Variants in SLC35B3 observed in about 807,000 individuals in gnomAD.
SLC35B3 encodes adenosine 3'-phospho 5'-phosphosulfate transporter 2.
Under a neutral mutation model 44.1 loss-of-function variants are expected in SLC35B3, and 35 were observed. The ratio of observed to expected loss-of-function variants is 0.79; its 90% CI spans 0.61 to 1.05. The LOEUF (loss-of-function observed/expected upper bound fraction) is 1.05, where lower values mean the gene tolerates loss of function less well. SLC35B3 is among the 50% of genes least tolerant of loss of function. The pLI, the probability that SLC35B3 is intolerant of heterozygous loss-of-function variation, is 0.00. For synonymous variants in SLC35B3, 146 were observed against 167.3 expected, an observed-to-expected ratio of 0.87 and a Z score of 0.98; for missense variants, 414 against 476.4, an observed-to-expected ratio of 0.87 and a Z score of 1.22.
At chr6:8,424,503 A>AAGT (rs1763234311) in intron 4 of SLC35B3, among the ~76,000 whole-genome samples, 1 of 152,120 alleles carries the variant, frequency 6.6e-6, no homozygotes, top group African/African-American at 2.4e-5. Flanking sequence ...CAGGTGATCA[A>AAGT]CCTGCCTCGG....
Position 8,434,749 on chromosome 6 carries a change from A to G in SLC35B3, c.-43-319T>C, listed in dbSNP as rs1229148538. On this transcript the variant is annotated intron_variant, in intron 1 of 10. Coordinates refer to ENST00000644923, the MANE Select transcript of SLC35B3 (RefSeq NM_001370476.2). The surrounding 1 kb of genome is among the most constrained non-coding windows in gnomAD (Gnocchi z 6.3). ...AAAATGCAGATACTCAACACTTAAG[A>G]TTTTGTTAGCGCACCAAATCATTCC... 1.3e-5 allele frequency among the ~76,000 whole-genome samples: 2 copies of G among 152,208 alleles called. No homozygotes were observed. Among genetic ancestry groups the G allele is most frequent in the East Asian group, 3.9e-4 (2 of 5,184 alleles).
In SLC35B3 at chr6:8,434,138, A is replaced by AAG. The variant is rs1391342703; in HGVS notation, c.3+245_3+246dup. Among the ~76,000 whole-genome samples the AAG allele has an allele frequency of 6.6e-6, 1 of 151,968 alleles. No homozygotes were observed. Among genetic ancestry groups the AAG allele is most frequent in the African/African-American group, 2.4e-5 (1 of 41,372 alleles). The stretch of plus-strand genomic sequence containing the variant: ...ACTTCAACTGCTAAAATGGAATAAA[A>AAG]AGGTAGCATTTCCGGCATACAATGT... On this transcript the variant is annotated intron_variant, in intron 2 of 10. Coordinates refer to ENST00000644923, the MANE Select transcript of SLC35B3 (RefSeq NM_001370476.2). The surrounding 1 kb of genome is among the most constrained non-coding windows in gnomAD (Gnocchi z 6.3).
rs1039832808 is a variant in SLC35B3 at position 8,412,219 on chromosome 6, A to C, written c.*1330T>G. On this transcript the variant is annotated 3_prime_UTR_variant, in exon 11 of 11. Coordinates refer to ENST00000644923, the MANE Select transcript of SLC35B3 (RefSeq NM_001370476.2). ...GCACCTCCATCTTGGACTTCCAGAC[A>C]TCAGAACTGTGGGAAATAAATTTCC... is the stretch of plus-strand genomic sequence containing the variant. 6.6e-6 allele frequency among the ~76,000 whole-genome samples: 1 copy of C among 152,224 alleles called. No homozygotes were observed. Among genetic ancestry groups the C allele is most frequent in the African/African-American group, 2.4e-5 (1 of 41,454 alleles).
At position 8,429,947 on chromosome 6, in the gene SLC35B3, G is replaced by A; in HGVS notation, c.214C>T (p.Leu72Phe). 1 of 1,611,946 alleles carries A rather than the reference G, an allele frequency of 6.2e-7. No individual in the cohort carries two copies. Among genetic ancestry groups the A allele is most frequent in the Non-Finnish European group, 8.5e-7 (1 of 1,179,370 alleles). Residue 72 changes from leucine (L) to phenylalanine (F), a missense_variant, in exon 3 of 11, where the codon CTC becomes TTC. Leu to Phe is a conservative substitution (Grantham distance 22, BLOSUM62 0). Coordinates refer to ENST00000644923, the MANE Select transcript of SLC35B3 (RefSeq NM_001370476.2). ...TGAGTAAGTTTGTTAAACTTGCTGA[G>A]ATTCATGCCAAGTACCACAACGTCG...
intron 3 of SLC35B3, among the ~76,000 whole-genome samples, chr6:8,429,050 C>G (rs1246204149): frequency 4.6e-5 from 7 of 152,068 alleles, no homozygotes; most frequent in Non-Finnish European, 7.4e-5. Context: ...CTTTTTAGTA[C>G]TAAAGAATAC....
Position 8,417,441 on chromosome 6 carries a change from G to T in SLC35B3, c.834C>A (p.Cys278Ter). ...TTACTGCAGGGCCTAATCCACTAGTGCATGTCAATCCCAGTAAAATGTATA... is the reference window on the plus strand; with the variant it reads ...TTACTGCAGGGCCTAATCCACTAGTTCATGTCAATCCCAGTAAAATGTATA... Residue 278 changes from cysteine to a stop codon, truncating the protein, a stop_gained, in exon 8 of 11, where the codon TGC becomes TGA. Coordinates refer to ENST00000644923, the MANE Select transcript of SLC35B3 (RefSeq NM_001370476.2). LOFTEE classifies it high-confidence loss of function. 1 of 1,606,520 alleles carries T rather than the reference G, an allele frequency of 6.2e-7. No homozygotes were observed. The highest frequency in any genetic ancestry group is 1.1e-5 in the South Asian group (1 of 89,774).
Position 8,430,035 on chromosome 6 carries a change from T to C in SLC35B3, c.126A>G (p.Lys42=). The change falls in exon 3 of 11, where the codon AAA becomes AAG. Residue 42 remains lysine, a synonymous_variant. Transcript: ENST00000644923. ...TGGATGGCACAGTGATAGAAATATA[T>C]TTCCTGGAATTGTTGAACTTGAGAT... 6.2e-7 allele frequency: 1 copy of C among 1,614,068 alleles called. No homozygotes were observed. Among genetic ancestry groups the C allele is most frequent in the Non-Finnish European group, 8.5e-7 (1 of 1,179,978 alleles).
chr6:8,422,369 C>T (rs1762974437), intron 5 of SLC35B3, 101 bp downstream of exon 4: 2 of 896,402 alleles, frequency 2.2e-6, no homozygotes, highest in Non-Finnish European at 3.5e-6. Flanking sequence ...ATCTAGAATG[C>T]TCATTGAAAA....
chr6:8,427,971 T>G lies in SLC35B3; in HGVS notation c.385A>C (p.Ile129Leu). 6.2e-7 allele frequency: 1 copy of G among 1,612,840 alleles called. No homozygotes were observed. ...TTGTCCTGAATAAGCTGAAGTTCTA[T>G]TAGGCCAAATATGGAGTAAAAGGCA... Residue 129 changes from isoleucine (I) to leucine (L), a missense_variant, in exon 4 of 11, where the codon ATA (isoleucine) becomes CTA (leucine). Transcript: ENST00000644923.
At chr6:8,417,251 T>C in intron 8 of SLC35B3, 151 bp downstream of exon 7, 1 of 629,734 alleles carries the variant, frequency 1.6e-6, no homozygotes, top group Non-Finnish European at 2.8e-6. Context: ...ATATCAGTCA[T>C]TTCATTTCTG....
chr6:8,424,057 G>A (rs1165526035), intron 4 of SLC35B3, among the ~76,000 whole-genome samples: 5 of 152,164 alleles, frequency 3.3e-5, no homozygotes, highest in Admixed American at 6.5e-5. Context: ...AGTACAGGTA[G>A]AAAGAAAACC....
intron 4 of SLC35B3, among the ~76,000 whole-genome samples, chr6:8,427,054 T>C (rs1273674579): frequency 6.6e-6 from 1 of 150,948 alleles, no homozygotes; most frequent in Non-Finnish European, 1.5e-5. Flanking sequence ...GTGGAAGAAA[T>C]TTCTAAGCAG....
chr6:8,424,559 C>T (rs1385540307), intron 4 of SLC35B3, among the ~76,000 whole-genome samples: 2 of 152,026 alleles, frequency 1.3e-5, no homozygotes, highest in South Asian at 2.1e-4. Flanking sequence ...TGCACCTGGC[C>T]GGGGAGAAAA....
At position 8,417,917 on chromosome 6, in the gene SLC35B3, C is replaced by G. The variant is rs992849148; in HGVS notation, c.781-423G>C. ...AGCATATGGCATATCTACTGCTTAACTTCTCTATTTTCCAACCAACCTTTT... is the reference window on the plus strand; with the variant it reads ...AGCATATGGCATATCTACTGCTTAAGTTCTCTATTTTCCAACCAACCTTTT... On this transcript the variant is annotated intron_variant, in intron 7 of 10. Transcript: ENST00000644923. Among the ~76,000 whole-genome samples the G allele has an allele frequency of 2.6e-5, 4 of 151,988 alleles. 1 individual carries two copies. Among genetic ancestry groups the G allele is most frequent in the African/African-American group, 9.7e-5 (4 of 41,394 alleles).
In SLC35B3 at chr6:8,411,630, G is replaced by C. The variant is rs2113198870; in HGVS notation, c.*1919C>G. 6.6e-6 allele frequency among the ~76,000 whole-genome samples: 1 copy of C among 152,230 alleles called. No homozygotes were observed. Among genetic ancestry groups the C allele is most frequent in the Non-Finnish European group, 1.5e-5 (1 of 68,010 alleles). ...GGGAAAAAACAATGGCTGTATTTCAGCAAATGGGCAAATGAAAACCAGTCC... is the reference window on the plus strand; with the variant it reads ...GGGAAAAAACAATGGCTGTATTTCACCAAATGGGCAAATGAAAACCAGTCC... On this transcript the variant is annotated 3_prime_UTR_variant, in exon 11 of 11. Transcript: ENST00000644923.
chr6:8,435,268 G>A lies in SLC35B3; in HGVS notation c.-44+75C>T, dbSNP rs1316791953. 1 of 1,289,362 alleles carries A rather than the reference G, an allele frequency of 7.8e-7. No individual in the cohort carries two copies. The highest frequency in any genetic ancestry group is 1.0e-6 in the Non-Finnish European group (1 of 988,870). The allele number at this position is 1,289,362 out of a possible 1,614,324, so 79.9% of individuals were successfully genotyped here. ...AACGCTCCTTCTGGATGAGGAAGAT[G>A]GGCAGTGTCAAGGTTTTCTGGAGGA... On this transcript the variant is annotated intron_variant, in intron 1 of 10. Coordinates refer to ENST00000644923, the MANE Select transcript of SLC35B3 (RefSeq NM_001370476.2). The surrounding 1 kb of genome is among the most constrained non-coding windows in gnomAD (Gnocchi z 5.5).
rs141964463 is a variant in SLC35B3 at position 8,429,968 on chromosome 6, C to T, written c.193G>A (p.Val65Ile). ...CTGAGATTCATGCCAAGTACCACAA[C>T]GTCGTCAACTGACTTGATGTGTGGT... The change falls in exon 3 of 11, where the codon GTT (valine) becomes ATT (isoleucine). Residue 65 changes from valine to isoleucine, a missense_variant. Val to Ile is a conservative substitution (Grantham distance 29). Transcript: ENST00000644923. The T allele has an allele frequency of 7.6e-5, 122 of 1,612,780 alleles. No individual in the cohort carries two copies. The African/African-American group carries it at 1.5e-3, about 20-fold the overall frequency.
chr6:8,422,907 G>GT (rs57405337), intron 4 of SLC35B3, among the ~76,000 whole-genome samples: 216 of 146,318 alleles, frequency 1.5e-3, no homozygotes, highest in East Asian at 4.6e-3. Context: ...TTGACAAAAG[G>GT]TTTTTTTTTT....
At chr6:8,417,877 A>G (rs1762559425) in intron 7 of SLC35B3, among the ~76,000 whole-genome samples, 1 of 152,226 alleles carries the variant, frequency 6.6e-6, no homozygotes, top group African/African-American at 2.4e-5. Context: ...ACATTAAAAT[A>G]TAATGAAAAT....
Sources: allele counts gnomAD v4.1 joint callset (sites outside exome capture counted in the v4.1 genomes callset), GRCh38; gene constraint gnomAD v4.1.1; non-coding constraint Gnocchi (gnomAD v3.1); transcripts MANE v1.5; gene names NCBI Gene and HGNC (gene_info 2026-07-23, HGNC 2026-07-21).